The following MARCHF1 variants were observed in gnomAD, a reference collection of about 807,000 sequenced individuals.
MARCHF1 encodes the protein membrane associated ring-CH-type finger 1.
In MARCHF1, 40 loss-of-function variants were observed where a neutral mutation model predicts 54.2. The observed-to-expected ratio is 0.74, with a 90% CI of 0.57 to 0.96. The LOEUF is 0.96. MARCHF1 is among the 40% of genes least tolerant of loss of function. The probability of loss-of-function intolerance (pLI) is 0.00; values close to 1 mark genes in which losing one functional copy is unlikely to be tolerated. For synonymous variants in MARCHF1, 236 were observed against 236.3 expected (o/e 1.00, Z 0.01); for missense variants, 586 against 656.5 (o/e 0.89, Z 1.17).
intron 3 of MARCHF1, among the ~76,000 whole-genome samples, chr4:163,911,742 TAAAAG>T (rs989156193): frequency 6.6e-6 from 1 of 152,096 alleles, no homozygotes; most frequent in African/African-American, 2.4e-5. Flanking sequence ...TTCCTTCTCA[TAAAAG>T]AAAGCTACAC....
chr4:163,911,881 GC>G lies in MARCHF1; in HGVS notation c.-38-57713del, dbSNP rs1347085856. ...CTGATACCTTGATCTCAGACTTGTA[GC>G]CCCCAGAACTATAAGAAAATAAAGT... On this transcript the variant is annotated intron_variant, in intron 3 of 9. Coordinates refer to ENST00000514618, the MANE Select transcript of MARCHF1 (RefSeq NM_001394959.1). Among the ~76,000 whole-genome samples the G allele has an allele frequency of 3.6e-4, 55 of 152,084 alleles. 1 individual carries two copies. The highest frequency in any genetic ancestry group is 4.4e-5 in the Non-Finnish European group (3 of 68,014).
At chr4:163,742,680 G>A (rs891561652) in intron 4 of MARCHF1, among the ~76,000 whole-genome samples, 1 of 151,812 alleles carries the variant, frequency 6.6e-6, no homozygotes, top group Admixed American at 6.6e-5. Flanking sequence ...GTCTCATTAT[G>A]TTGTCCAGGT....
intron 8 of MARCHF1, among the ~76,000 whole-genome samples, chr4:163,546,695 C>T (rs546615491): frequency 3.3e-4 from 50 of 152,136 alleles, no homozygotes; most frequent in Non-Finnish European, 6.6e-4. Context: ...TTGCTGCTAC[C>T]GTAAGGGTTG....
intron 8 of MARCHF1, among the ~76,000 whole-genome samples, chr4:163,582,713 A>G (rs1740269957): frequency 6.6e-6 from 1 of 152,184 alleles, no homozygotes; most frequent in African/African-American, 2.4e-5. Context: ...ATGTACTTCA[A>G]ATATATTCTA....
At chr4:163,620,592 CACACACACACACACAGAG>C (rs1459370696) in intron 5 of MARCHF1, among the ~76,000 whole-genome samples, 1 of 86,192 alleles carries the variant, frequency 1.2e-5, no homozygotes, top group Non-Finnish European at 2.1e-5. Context: ...CACACACACA[CACACACACACACACAGAG>C]AGAGAGAGAG....
At chr4:164,020,470 T>C (rs954063600) in intron 2 of MARCHF1, among the ~76,000 whole-genome samples, 1 of 152,216 alleles carries the variant, frequency 6.6e-6, no homozygotes, top group Non-Finnish European at 1.5e-5. Flanking sequence ...TAAATCAGTT[T>C]ACAGACCTGC....
At chr4:163,549,072 T>C (rs557978245) in intron 8 of MARCHF1, among the ~76,000 whole-genome samples, 2 of 152,328 alleles carry the variant, frequency 1.3e-5, no homozygotes, top group South Asian at 4.1e-4. Context: ...GAGAAGGTTG[T>C]TCCTGAGAAG....
intron 1 of MARCHF1, among the ~76,000 whole-genome samples, chr4:164,242,703 C>A (rs1164504935): frequency 6.6e-6 from 1 of 152,028 alleles, no homozygotes; most frequent in Non-Finnish European, 1.5e-5. Flanking sequence ...ACATTCAAAC[C>A]AAAGGCAAAT....
intron 1 of MARCHF1, among the ~76,000 whole-genome samples, chr4:164,279,187 A>G (rs1733960819): frequency 6.6e-6 from 1 of 151,782 alleles, no homozygotes; most frequent in Non-Finnish European, 1.5e-5. Flanking sequence ...AAATTCATAC[A>G]AGATTTAAAT....
intron 3 of MARCHF1, among the ~76,000 whole-genome samples, chr4:163,859,719 C>T (rs910276838): frequency 6.6e-6 from 1 of 152,046 alleles, no homozygotes; most frequent in East Asian, 1.9e-4. Context: ...TCCTGGAGAT[C>T]CTCAGGAACA....
At chr4:163,608,561 G>A (rs1741218701) in intron 7 of MARCHF1, among the ~76,000 whole-genome samples, 1 of 152,064 alleles carries the variant, frequency 6.6e-6, no homozygotes, top group African/African-American at 2.4e-5. Flanking sequence ...TTAATTAAAT[G>A]CAATTCCTTT....
At chr4:164,039,008 AAAAATC>A (rs1181487903) in intron 2 of MARCHF1, among the ~76,000 whole-genome samples, 1 of 152,234 alleles carries the variant, frequency 6.6e-6, no homozygotes, top group African/African-American at 2.4e-5. Context: ...ACACTTAAAG[AAAAATC>A]ATTAATTTAA....
chr4:164,203,140 G>A (rs777642851), intron 1 of MARCHF1, among the ~76,000 whole-genome samples: 1 of 152,066 alleles, frequency 6.6e-6, no homozygotes, highest in African/African-American at 2.4e-5. Context: ...GAGGTTTTAT[G>A]GGATTTTTAG....
At chr4:163,735,543 GATTAATGTGCTGAC>G in intron 4 of MARCHF1, among the ~76,000 whole-genome samples, 1 of 152,190 alleles carries the variant, frequency 6.6e-6, no homozygotes, top group East Asian at 1.9e-4. Flanking sequence ...GGAAGTCCAA[GATTAATGTGCTGAC>G]ATCTGGTGAG....
intron 2 of MARCHF1, among the ~76,000 whole-genome samples, chr4:164,064,574 T>C (rs956667723): frequency 5.3e-5 from 8 of 152,206 alleles, no homozygotes; most frequent in Non-Finnish European, 1.0e-4. Context: ...ATTTTCTAGA[T>C]ATAGAACCAT....
intron 4 of MARCHF1, among the ~76,000 whole-genome samples, chr4:163,808,543 A>G (rs1437991786): frequency 6.6e-6 from 1 of 152,178 alleles, no homozygotes; most frequent in Non-Finnish European, 1.5e-5. Context: ...GTGAGGGGAA[A>G]GACACATGAA....
At chr4:163,811,330 G>C (rs1908291) in intron 4 of MARCHF1, among the ~76,000 whole-genome samples, 137,897 of 152,076 alleles carry the variant, frequency 0.91, 63,761 homozygotes, top group South Asian at 0.99. Flanking sequence ...TTTGGTGATA[G>C]CTTAACTGCC....
chr4:163,818,701 AAAATATTCCTTTTCT>A (rs1408564366), intron 4 of MARCHF1, among the ~76,000 whole-genome samples: 19 of 152,004 alleles, frequency 1.2e-4, no homozygotes, highest in Admixed American at 1.2e-3. Context: ...GGCTCTTCTC[AAAATATTCCTTTTCT>A]CCAGGTTTTA....
intron 2 of MARCHF1, among the ~76,000 whole-genome samples, chr4:164,015,704 G>GAAA (rs375569183): frequency 3.3e-4 from 49 of 148,556 alleles, no homozygotes; most frequent in African/African-American, 1.2e-3. Context: ...AATAGTATAT[G>GAAA]AAAAAAAAAA....
Sources: allele counts gnomAD v4.1 joint callset (sites outside exome capture counted in the v4.1 genomes callset), GRCh38; gene constraint gnomAD v4.1.1; transcripts MANE v1.5; gene names NCBI Gene and HGNC (gene_info 2026-07-23, HGNC 2026-07-21).